SPG7: variants seen among roughly 807,000 people sequenced by gnomAD.
SPG7 encodes mitochondrial inner membrane m-AAA protease component paraplegin.
SPG7 carries 103 observed loss-of-function variants against 81.9 expected under a neutral mutation model. That is an observed-to-expected ratio of 1.26 (90% CI 1.07 to 1.48). The LOEUF (loss-of-function observed/expected upper bound fraction) is 1.48. Ranked by LOEUF, SPG7 falls within the 40% of genes most tolerant of loss-of-function variation. The pLI is 0.00. For synonymous variants in SPG7, 534 were observed against 444.2 expected (o/e 1.20, Z -2.54); for missense variants, 1,241 against 1,087.3 (o/e 1.14, Z -1.99).
intron 7 of SPG7, chr16:89,531,651 G>C: frequency 3.9e-6 from 2 of 510,728 alleles, no homozygotes; most frequent in Non-Finnish European, 7.1e-6. Context: ...TGGAATTCCA[G>C]GTGTGAGCCA....
intron 9 of SPG7, chr16:89,536,982 CCT>C: frequency 4.3e-6 from 7 of 1,613,760 alleles, no homozygotes; most frequent in Non-Finnish European, 5.9e-6. Context: ...CTCCACATAA[CCT>C]CTCTGTGCCA....
rs567862370 is a variant in SPG7, at chr16:89,532,724, C to T, written c.1324+88C>T. 1.0e-5 allele frequency: 15 copies of T among 1,485,552 alleles called. No individual in the cohort carries two copies. In the East Asian group the frequency reaches 1.1e-4, roughly 11 times the overall value. 92.0% of individuals were successfully genotyped at this position (1,485,552 alleles called of 1,614,324 possible). A position where few individuals can be genotyped will look rare whatever the true frequency, so the allele number is the denominator to read the frequency against. On this transcript the variant is annotated intron_variant, in intron 9 of 16. Coordinates refer to ENST00000645818, the MANE Select transcript of SPG7 (RefSeq NM_003119.4). ...AGAACAGGTTGTGGTGAGCCAAGATCGTGTCACTGCACTCCGGCCTGGGTG... is the reference window on the plus strand; with the variant it reads ...AGAACAGGTTGTGGTGAGCCAAGATTGTGTCACTGCACTCCGGCCTGGGTG...
chr16:89,556,223 C>G (rs561151774), intron 16 of SPG7: 2 of 399,260 alleles, frequency 5.0e-6, no homozygotes, highest in African/African-American at 4.1e-5. Context: ...TCTTGCAATA[C>G]AGCCACAGGT....
chr16:89,526,323 C>T lies in SPG7; in HGVS notation c.619-6C>T, dbSNP rs1597624127. ...CTCATGGTCCCCTCTCCTTTCTGCC[C>T]CCCAGCGGCTAGCCTTGATGTACCG... On this transcript the variant is annotated splice_polypyrimidine_tract_variant and splice_region_variant and intron_variant, in intron 4 of 16. Transcript: ENST00000645818. 1 of 1,613,946 alleles carries T rather than the reference C, an allele frequency of 6.2e-7. No individual in the cohort carries two copies.
intron 1 of SPG7, 139 bp from the exon 2 acceptor site, chr16:89,510,351 A>G (rs1304125692): frequency 1.5e-6 from 1 of 661,842 alleles, no homozygotes; most frequent in Non-Finnish European, 2.7e-6. Flanking sequence ...TGCTCAGACT[A>G]TTACTTTATA....
At chr16:89,510,447 A>G (rs1021576192) in intron 1 of SPG7, 43 bp from the exon 2 acceptor site, 14 of 1,243,082 alleles carry the variant, frequency 1.1e-5, no homozygotes, top group Non-Finnish European at 1.5e-5. Context: ...GGTACTCTCT[A>G]ATGTTGGTGT....
intron 10 of SPG7, 103 bp from the exon 11 acceptor site, chr16:89,546,555 T>C (rs570360217): frequency 1.2e-6 from 1 of 817,270 alleles, no homozygotes; most frequent in East Asian, 2.5e-5. Context: ...ACACTTGTAA[T>C]CCCAGCTACT....
At chr16:89,513,981 T>G (rs1266549833) in intron 3 of SPG7, among the ~76,000 whole-genome samples, 1 of 152,136 alleles carries the variant, frequency 6.6e-6, no homozygotes, top group African/African-American at 2.4e-5. Flanking sequence ...CCTTCTTGAT[T>G]GATTTTGTGT....
chr16:89,514,155 G>T (rs2058059473), intron 3 of SPG7, among the ~76,000 whole-genome samples: 1 of 152,022 alleles, frequency 6.6e-6, no homozygotes, highest in African/African-American at 2.4e-5. Context: ...CTCATCTTCA[G>T]CTTACTGTTG....
intron 16 of SPG7, 42 bp from the exon 17 acceptor site, chr16:89,556,845 C>A: frequency 6.8e-7 from 1 of 1,473,114 alleles, no homozygotes; most frequent in Non-Finnish European, 9.5e-7. Flanking sequence ...GATGCTCTGT[C>A]TGCCCTGGGG....
intron 13 of SPG7, among the ~76,000 whole-genome samples, chr16:89,550,849 C>T (rs185575438): frequency 2.0e-5 from 3 of 152,288 alleles, no homozygotes; most frequent in East Asian, 1.9e-4. Flanking sequence ...TGTGTCACAT[C>T]GGAGCATGGT....
chr16:89,535,797 T>G (rs1201622275), intron 9 of SPG7, among the ~76,000 whole-genome samples: 2 of 152,190 alleles, frequency 1.3e-5, no homozygotes, highest in Non-Finnish European at 2.9e-5. Context: ...CTGTACTGCT[T>G]CTCTGCAGAG....
chr16:89,553,623 A>C (rs2058658700), intron 14 of SPG7, 171 bp from the exon 15 acceptor site: 1 of 635,428 alleles, frequency 1.6e-6, no homozygotes, highest in African/African-American at 1.8e-5. Context: ...GACTCTCTTA[A>C]GGAACAGTGG....
intron 12 of SPG7, chr16:89,548,557 C>T (rs1439697315): frequency 3.2e-6 from 1 of 313,496 alleles, no homozygotes; most frequent in Non-Finnish European, 6.2e-6. Context: ...AGCAGGGGCT[C>T]TGCGGAGAGG....
chr16:89,552,402 G>A (rs1332899744), intron 13 of SPG7: 2 of 164,252 alleles, frequency 1.2e-5, no homozygotes, highest in Non-Finnish European at 1.3e-5. Flanking sequence ...GATTCTCAGA[G>A]CACTTGGATG....
Position 89,508,410 on chromosome 16 carries a change from A to C in SPG7, c.-8A>C. The C allele has an allele frequency of 1.4e-6, 2 of 1,478,042 alleles. No homozygotes were observed. 91.6% of individuals were successfully genotyped at this position (1,478,042 alleles called of 1,614,324 possible). A position where few individuals can be genotyped will look rare whatever the true frequency, so the allele number is the denominator to read the frequency against. On this transcript the variant is annotated 5_prime_UTR_variant, in exon 1 of 17. Coordinates refer to ENST00000645818, the MANE Select transcript of SPG7 (RefSeq NM_003119.4). The stretch of plus-strand genomic sequence containing the variant: ...CGCGGATCACGCAGGCGCGGCTTTC[A>C]GGCCAACATGGCCGTGCTGCTGCTG...
At position 89,526,096 on chromosome 16, in the gene SPG7, C is replaced by T. The variant is rs9929615; in HGVS notation, c.619-233C>T. 0.01 allele frequency among the ~76,000 whole-genome samples: 1,536 copies of T among 152,228 alleles called. 30 individuals carry two copies. Among genetic ancestry groups the T allele is most frequent in the African/African-American group, 0.035 (1,463 of 41,528 alleles). On this transcript the variant is annotated intron_variant, in intron 4 of 16. Coordinates refer to ENST00000645818, the MANE Select transcript of SPG7 (RefSeq NM_003119.4). ...TCCCAGGGGCTCACTGGGAGGTAGC[C>T]CCATCGTAGGTCAAGGAGCTTAGTG...
At chr16:89,552,842 G>A in intron 13 of SPG7, 137 bp from the exon 14 acceptor site, 3 of 793,100 alleles carry the variant, frequency 3.8e-6, no homozygotes, top group Non-Finnish European at 2.1e-6. Context: ...AGGATCCCCT[G>A]TTGTTGTAGA....
At chr16:89,531,625 C>G in intron 7 of SPG7, 2 of 464,066 alleles carry the variant, frequency 4.3e-6, no homozygotes, top group Non-Finnish European at 7.9e-6. Context: ...GCGCCTGCCT[C>G]AGCCTCCCAA....
Sources: allele counts gnomAD v4.1 joint callset (sites outside exome capture counted in the v4.1 genomes callset), GRCh38; gene constraint gnomAD v4.1.1; transcripts MANE v1.5; gene names NCBI Gene and HGNC (gene_info 2026-07-23, HGNC 2026-07-21).